The following PDGFD variants were observed in gnomAD, a reference collection of about 807,000 sequenced individuals.
The protein encoded by PDGFD is platelet derived growth factor D.
Under a neutral mutation model 44.7 loss-of-function variants are expected in PDGFD, and 30 were observed. The ratio of observed to expected loss-of-function variants is 0.67; its 90% CI spans 0.50 to 0.91. The LOEUF (loss-of-function observed/expected upper bound fraction) is 0.91. Among genes scored for constraint, PDGFD ranks in the 40% least tolerant of loss-of-function variants. The pLI is 0.00. For synonymous variants in PDGFD, 173 were observed against 168.4 expected (o/e 1.03, Z -0.21); for missense variants, 445 against 457.8 (o/e 0.97, Z 0.25).
intron 3 of PDGFD, among the ~76,000 whole-genome samples, chr11:103,988,344 G>GT: frequency 6.6e-6 from 1 of 151,472 alleles, no homozygotes; most frequent in South Asian, 2.1e-4. Context: ...AGATAAACAG[G>GT]ATACTGAACT....
chr11:104,097,929 C>T (rs1238016340), intron 1 of PDGFD, among the ~76,000 whole-genome samples: 1 of 152,096 alleles, frequency 6.6e-6, no homozygotes, highest in African/African-American at 2.4e-5. Flanking sequence ...ATTTCAGATA[C>T]TTAAAATGGT....
intron 1 of PDGFD, chr11:104,038,328 G>T (rs1412680233): frequency 7.4e-6 from 2 of 269,492 alleles, no homozygotes; most frequent in Non-Finnish European, 1.5e-5. Context: ...ATTACAGGTG[G>T]CTTATCCAAA....
At chr11:104,069,290 A>G (rs1417262791) in intron 1 of PDGFD, among the ~76,000 whole-genome samples, 1 of 152,216 alleles carries the variant, frequency 6.6e-6, no homozygotes, top group Non-Finnish European at 1.5e-5. Context: ...TTTGGCAGGA[A>G]TACCACAGAA....
intron 3 of PDGFD, among the ~76,000 whole-genome samples, chr11:103,973,890 A>G (rs1012573194): frequency 1.3e-5 from 2 of 152,186 alleles, no homozygotes; most frequent in African/African-American, 2.4e-5. Flanking sequence ...TCCTGGTGCC[A>G]TGCTAGTTTT....
intron 1 of PDGFD, among the ~76,000 whole-genome samples, chr11:104,067,753 G>A (rs983506596): frequency 6.6e-6 from 1 of 152,044 alleles, no homozygotes; most frequent in Non-Finnish European, 1.5e-5. Flanking sequence ...AGAACTAAAT[G>A]AATTTCTAGT....
chr11:104,018,138 C>G (rs1409932783), intron 1 of PDGFD, among the ~76,000 whole-genome samples: 2 of 151,858 alleles, frequency 1.3e-5, no homozygotes, highest in East Asian at 3.9e-4. Flanking sequence ...CAATTGCACC[C>G]CACCCCCCTC....
intron 3 of PDGFD, among the ~76,000 whole-genome samples, chr11:103,961,811 G>A (rs1440384658): frequency 2.0e-5 from 3 of 152,164 alleles, no homozygotes; most frequent in Admixed American, 6.6e-5. Context: ...CCTACATACA[G>A]GAAACAGCCC....
At chr11:104,120,963 C>T (rs1861771197) in intron 1 of PDGFD, among the ~76,000 whole-genome samples, 1 of 151,970 alleles carries the variant, frequency 6.6e-6, no homozygotes, top group Non-Finnish European at 1.5e-5. Flanking sequence ...ACGTAGCAGG[C>T]CCACAATAAA....
chr11:103,918,971 G>A (rs1446502539), intron 6 of PDGFD, among the ~76,000 whole-genome samples: 1 of 152,148 alleles, frequency 6.6e-6, no homozygotes, highest in Non-Finnish European at 1.5e-5. Flanking sequence ...TTGTTAATAG[G>A]TACCCTCACA....
At chr11:104,109,852 G>C (rs1481368775) in intron 1 of PDGFD, among the ~76,000 whole-genome samples, 1 of 152,042 alleles carries the variant, frequency 6.6e-6, no homozygotes, top group Non-Finnish European at 1.5e-5. Context: ...GGTTAATAGA[G>C]TGTGCTCTGG....
intron 1 of PDGFD, among the ~76,000 whole-genome samples, chr11:104,135,333 C>T (rs11226195): frequency 0.13 from 19,776 of 152,062 alleles, 1,408 homozygotes; most frequent in East Asian, 0.29. Flanking sequence ...CATAGAAAGG[C>T]TTTCAAGATG....
intron 1 of PDGFD, among the ~76,000 whole-genome samples, chr11:104,106,815 C>T (rs1312810909): frequency 6.6e-6 from 1 of 151,434 alleles, no homozygotes; most frequent in African/African-American, 2.4e-5. Flanking sequence ...ATGATCTCGG[C>T]TCATTGCAAC....
rs751726994 is a variant in PDGFD at position 104,028,213 on chromosome 11, A to G, written c.125-27958T>C. Reference sequence around the variant, plus strand: ...AAAGAAAAAAAAAAAAAAAAAAAGCATAGCATGGATTCCTTTTTCTTAGGA... The same window carrying G: ...AAAGAAAAAAAAAAAAAAAAAAAGCGTAGCATGGATTCCTTTTTCTTAGGA... On this transcript the variant is annotated intron_variant, in intron 1 of 6. Transcript: ENST00000393158. Among the ~76,000 whole-genome samples the G allele has an allele frequency of 8.0e-5, 12 of 149,974 alleles. 1 individual carries two copies. Among genetic ancestry groups the G allele is most frequent in the Non-Finnish European group, 1.8e-4 (12 of 67,528 alleles).
intron 6 of PDGFD, among the ~76,000 whole-genome samples, chr11:103,918,765 G>C (rs1056084656): frequency 6.6e-6 from 1 of 152,152 alleles, no homozygotes; most frequent in Admixed American, 6.6e-5. Flanking sequence ...CAGCACTGAT[G>C]TTCAAAGCTT....
At chr11:103,909,945 T>C in intron 6 of PDGFD, 126 bp from the exon 7 acceptor site, 1 of 1,154,864 alleles carries the variant, frequency 8.7e-7, no homozygotes, top group South Asian at 1.4e-5. Context: ...AGCTATGGGC[T>C]TGCTATTAGA....
chr11:103,925,599 A>G (rs945684198), intron 6 of PDGFD, among the ~76,000 whole-genome samples: 2 of 150,088 alleles, frequency 1.3e-5, no homozygotes, highest in African/African-American at 4.9e-5. Flanking sequence ...AAGTAATTAG[A>G]GCTGCTGCCT....
chr11:103,970,278 A>G (rs1428551682), intron 3 of PDGFD, among the ~76,000 whole-genome samples: 1 of 152,140 alleles, frequency 6.6e-6, no homozygotes, highest in Non-Finnish European at 1.5e-5. Flanking sequence ...ATCACATACA[A>G]TAGGGAGTAA....
intron 1 of PDGFD, among the ~76,000 whole-genome samples, chr11:104,063,830 A>G (rs361261): frequency 0.44 from 67,157 of 151,994 alleles, 15,839 homozygotes; most frequent in African/African-American, 0.61. Context: ...CCCATCAGGT[A>G]CCTCCCCTGA....
chr11:104,127,664 G>A (rs11226189), intron 1 of PDGFD, among the ~76,000 whole-genome samples: 19,838 of 152,094 alleles, frequency 0.13, 1,424 homozygotes, highest in East Asian at 0.29. Context: ...TATTCAAAAT[G>A]TGTGTTTATG....
Sources: gnomAD v4.1 joint callset for allele counts (sites outside exome capture counted in the v4.1 genomes callset) on GRCh38, gnomAD v4.1.1 for gene constraint, MANE v1.5 for transcripts, NCBI Gene and HGNC (gene_info 2026-07-23, HGNC 2026-07-21) for gene names.